Variants in HNRNPU observed in about 807,000 individuals in gnomAD.
The protein encoded by HNRNPU is heterogeneous nuclear ribonucleoprotein U.
Under a neutral mutation model 94.7 loss-of-function variants are expected in HNRNPU, and 5 were observed. The observed-to-expected ratio is 0.05, with a 90% CI of 0.03 to 0.11. The LOEUF is 0.11. HNRNPU is among the 10% of genes least tolerant of loss of function. The pLI is 1.00. For missense variants in HNRNPU, 710 were observed against 1,049.2 expected (o/e 0.68, Z 4.47); for synonymous variants, 434 against 381.6 (o/e 1.14, Z -1.60).
rs1478034235 is a variant in HNRNPU, at chr1:244,860,245, G to C, written c.1017+90C>G. The C allele has an allele frequency of 6.3e-6, 7 of 1,118,364 alleles. No homozygotes were observed. The Admixed American group carries it at 1.7e-4, about 27-fold the overall frequency. 69.3% of individuals were successfully genotyped at this position (1,118,364 alleles called of 1,614,324 possible). ...GAACCCAGGACGCGGAGGTTGCAGT[G>C]AGCCTAGGTCGCACCACGGCAATCC... On this transcript the variant is annotated intron_variant, in intron 4 of 13. Coordinates refer to ENST00000640218, the MANE Select transcript of HNRNPU (RefSeq NM_031844.3).
Position 244,863,725 on chromosome 1 carries a change from C to T in HNRNPU, c.583G>A (p.Ala195Thr), listed in dbSNP as rs760732624. The change falls in exon 1 of 14, where the codon GCG (alanine) becomes ACG (threonine). Residue 195 changes from alanine (A) to threonine (T), a missense_variant. Ala to Thr is a moderately conservative substitution (Grantham distance 58). Transcript: ENST00000640218. ...GCCCCGGGCGGCGCCACCGTCACCG[C>T]GAACAGCGAGGTGGGGCCGCTGCTC... The part of the protein sequence containing the change: ...GKSSGPTSLF[A>T]VTVAPPGARQ... The T allele has an allele frequency of 6.4e-7, 1 of 1,568,186 alleles. No individual in the cohort carries two copies. Among genetic ancestry groups the T allele is most frequent in the Non-Finnish European group, 8.6e-7 (1 of 1,163,624 alleles).
At chr1:244,860,522 A>AT (rs1680798236) in intron 3 of HNRNPU, 48 bp from the exon 4 acceptor site, 2 of 1,477,922 alleles carry the variant, frequency 1.4e-6, no homozygotes, top group Admixed American at 3.6e-5. Context: ...CAATGTAAAC[A>AT]TATCTGCTAT....
intron 1 of HNRNPU, among the ~76,000 whole-genome samples, 199 bp downstream of exon 1, chr1:244,863,418 A>ACGCGCG (rs1244083105): frequency 7.1e-6 from 1 of 141,456 alleles, no homozygotes; most frequent in African/African-American, 2.8e-5. Context: ...ACACACACAC[A>ACGCGCG]CACGCGCGCG....
rs1680573209 is a variant in HNRNPU, at chr1:244,852,484, G to C, written c.*1966C>G. On this transcript the variant is annotated 3_prime_UTR_variant, in exon 14 of 14. Coordinates refer to ENST00000640218, the MANE Select transcript of HNRNPU (RefSeq NM_031844.3). Reference sequence around the variant, plus strand: ...CAACTTTAGGACACAACACTGATTAGCATCAAAACCTGAAACTGTTCCTCT... The same window carrying C: ...CAACTTTAGGACACAACACTGATTACCATCAAAACCTGAAACTGTTCCTCT... 1 of 152,076 alleles carries C rather than the reference G, an allele frequency of 6.6e-6. No homozygotes were observed. The highest frequency in any genetic ancestry group is 1.5e-5 in the Non-Finnish European group (1 of 68,000). 9.4% of individuals were successfully genotyped at this position (152,076 alleles called of 1,614,324 possible). A position where few individuals can be genotyped will look rare whatever the true frequency, so the allele number is the denominator to read the frequency against.
rs1006752619 is a variant in HNRNPU at position 244,863,606 on chromosome 1, G to GC, written c.691+10dup. On this transcript the variant is annotated intron_variant, in intron 1 of 13. Transcript: ENST00000640218. ...CCTCCCGCCGCGCGCAACGTACAAC[G>GC]CAGCACTCACCCGCCGCCGGAGCCC... The GC allele has an allele frequency of 6.7e-7, 1 of 1,499,682 alleles. No individual in the cohort carries two copies. The highest frequency in any genetic ancestry group is 1.5e-5 in the African/African-American group (1 of 68,136). 92.9% of individuals were successfully genotyped at this position (1,499,682 alleles called of 1,614,324 possible).
chr1:244,857,873 G>T, intron 7 of HNRNPU, 138 bp downstream of exon 7: 1 of 1,298,138 alleles, frequency 7.7e-7, no homozygotes, highest in Non-Finnish European at 1.1e-6. Flanking sequence ...TCAACATAAG[G>T]GGGAAACAAT....
chr1:244,862,932 C>G (rs1680878348), intron 1 of HNRNPU: 3 of 593,126 alleles, frequency 5.1e-6, no homozygotes, highest in South Asian at 4.1e-5. Context: ...ACTAATTTTG[C>G]CAGTCTCCTC....
Position 244,853,591 on chromosome 1 carries a change from C to A in HNRNPU, c.*859G>T, listed in dbSNP as rs968256605. ...AACTACTACAAGCACACTAGTTATACAGTATTTTGTGGGAGAAGGGCATAC... is the reference window on the plus strand; with the variant it reads ...AACTACTACAAGCACACTAGTTATAAAGTATTTTGTGGGAGAAGGGCATAC... On this transcript the variant is annotated 3_prime_UTR_variant, in exon 14 of 14. Coordinates refer to ENST00000640218, the MANE Select transcript of HNRNPU (RefSeq NM_031844.3). 1 of 152,496 alleles carries A rather than the reference C, an allele frequency of 6.6e-6. No individual in the cohort carries two copies. Among genetic ancestry groups the A allele is most frequent in the Non-Finnish European group, 1.5e-5 (1 of 67,956 alleles). The allele number at this position is 152,496 out of a possible 1,614,324, so 9.4% of individuals were successfully genotyped here. A position where few individuals can be genotyped will look rare whatever the true frequency, so the allele number is the denominator to read the frequency against.
intron 11 of HNRNPU, 122 bp downstream of exon 11, chr1:244,855,782 A>T: frequency 7.7e-7 from 1 of 1,291,458 alleles, no homozygotes; most frequent in Non-Finnish European, 1.1e-6. Context: ...AAATCACATG[A>T]ATACTTTAGT....
At chr1:244,863,506 G>A in intron 1 of HNRNPU, 111 bp downstream of exon 1, 4 of 1,216,680 alleles carry the variant, frequency 3.3e-6, no homozygotes, top group Non-Finnish European at 4.1e-6. Flanking sequence ...CCTCACCGCG[G>A]CGCCCTCCCG....
At chr1:244,861,259 A>T (rs936571439) in intron 3 of HNRNPU, 5 of 152,210 alleles carry the variant, frequency 3.3e-5, no homozygotes, top group Admixed American at 2.0e-4. Context: ...CTTAAATTAG[A>T]GTTATTCTAA....
chr1:244,855,713 T>G, intron 11 of HNRNPU, 105 bp from the exon 12 acceptor site: 1 of 1,366,782 alleles, frequency 7.3e-7, no homozygotes, highest in Non-Finnish European at 1.0e-6. Flanking sequence ...AATAATTGTT[T>G]AAAGACAAAA....
Position 244,861,364 on chromosome 1 carries a change from CTG to C in HNRNPU, c.878-892_878-891del, listed in dbSNP as rs563706773. ...CTAAAAAATCTAACAATTACATTACCTGTGTGAGTCACCACTTCACTACCTTG... is the reference window on the plus strand; with the variant it reads ...CTAAAAAATCTAACAATTACATTACCTGTGAGTCACCACTTCACTACCTTG... On this transcript the variant is annotated intron_variant, in intron 3 of 13. Transcript: ENST00000640218. The C allele has an allele frequency of 1.4e-4, 22 of 152,364 alleles. No homozygotes were observed. The East Asian group carries it at 3.1e-3, about 21-fold the overall frequency. The allele number at this position is 152,364 out of a possible 1,614,324, so 9.4% of individuals were successfully genotyped here. A position where few individuals can be genotyped will look rare whatever the true frequency, so the allele number is the denominator to read the frequency against.
chr1:244,855,161 C>A, intron 12 of HNRNPU, 117 bp from the exon 13 acceptor site: 1 of 777,984 alleles, frequency 1.3e-6, no homozygotes, highest in Non-Finnish European at 2.2e-6. Context: ...AGGTAGCAAG[C>A]AATACACAAA....
In HNRNPU at chr1:244,854,386, GA is replaced by G; in HGVS notation, c.*63del. Reference sequence around the variant, plus strand: ...ATGTTTAAAAAGTTAGCCTACTAAAGAAAACAGTCGACTTCTTGTGAAGGTT... The same window carrying G: ...ATGTTTAAAAAGTTAGCCTACTAAAGAAACAGTCGACTTCTTGTGAAGGTT... On this transcript the variant is annotated 3_prime_UTR_variant, in exon 14 of 14. Coordinates refer to ENST00000640218, the MANE Select transcript of HNRNPU (RefSeq NM_031844.3). The G allele has an allele frequency of 8.8e-7, 1 of 1,133,994 alleles. No individual in the cohort carries two copies. The allele number at this position is 1,133,994 out of a possible 1,614,324, so 70.2% of individuals were successfully genotyped here.
intron 13 of HNRNPU, 136 bp from the exon 14 acceptor site, chr1:244,854,639 C>CA: frequency 1.5e-6 from 1 of 654,458 alleles, no homozygotes; most frequent in Non-Finnish European, 2.7e-6. Context: ...TGATTTCTAC[C>CA]AAACCAGATT....
rs1158333965 is a variant in HNRNPU, at chr1:244,853,505, TA to T, written c.*944del. 1 of 152,554 alleles carries T rather than the reference TA, an allele frequency of 6.6e-6. No individual in the cohort carries two copies. The highest frequency in any genetic ancestry group is 1.9e-4 in the East Asian group (1 of 5,198). The allele number at this position is 152,554 out of a possible 1,614,324, so 9.5% of individuals were successfully genotyped here. On this transcript the variant is annotated 3_prime_UTR_variant, in exon 14 of 14. Transcript: ENST00000640218. ...ATACCCATTCAAGAACTGACATGATTAAAAATTAAGATATAAATGGGTGACT... is the reference window on the plus strand; with the variant it reads ...ATACCCATTCAAGAACTGACATGATTAAAATTAAGATATAAATGGGTGACT...
At chr1:244,861,742 CAAAAAAAAA>C (rs57665611) in intron 3 of HNRNPU, 12 of 117,486 alleles carry the variant, frequency 1.0e-4, no homozygotes, top group South Asian at 2.8e-4. Context: ...TTTTTTGTAA[CAAAAAAAAA>C]AAAAAAAAAA....
At chr1:244,862,846 C>A (rs1030446261) in intron 1 of HNRNPU, 116 bp from the exon 2 acceptor site, 13 of 749,260 alleles carry the variant, frequency 1.7e-5, no homozygotes, top group African/African-American at 1.6e-4. Flanking sequence ...AGGTTTTAAC[C>A]GAGGACTCAA....
Sources: allele counts gnomAD v4.1 joint callset (sites outside exome capture counted in the v4.1 genomes callset), GRCh38; gene constraint gnomAD v4.1.1; transcripts MANE v1.5; gene names NCBI Gene and HGNC (gene_info 2026-07-23, HGNC 2026-07-21).